The following PCDHA5 variants were observed in gnomAD, a reference collection of about 807,000 sequenced individuals.
PCDHA5 encodes protocadherin alpha-5.
A neutral mutation model predicts 61.6 loss-of-function variants in PCDHA5; 43 were observed. The ratio of observed to expected loss-of-function variants is 0.70; its 90% CI spans 0.55 to 0.90. PCDHA5 has a LOEUF of 0.90. PCDHA5 is among the 40% of genes least tolerant of loss of function. The probability of loss-of-function intolerance (pLI) is 0.00; values close to 1 mark genes in which losing one functional copy is unlikely to be tolerated. For missense variants in PCDHA5, 1,298 were observed against 1,222.7 expected (o/e 1.06, Z -0.92); for synonymous variants, 627 against 543.9 (o/e 1.15, Z -2.13).
intron 1 of PCDHA5, chr5:140,884,544 G>T: frequency 6.2e-7 from 1 of 1,614,222 alleles, no homozygotes; most frequent in South Asian, 1.1e-5. Flanking sequence ...CCGAGGGTGT[G>T]CTCTGGGGAG....
At chr5:140,948,305 T>C (rs1554218512) in intron 1 of PCDHA5, among the ~76,000 whole-genome samples, 1 of 151,622 alleles carries the variant, frequency 6.6e-6, no homozygotes, top group African/African-American at 2.4e-5. Context: ...ATATCTTTTC[T>C]TCTTGAGGGG....
In PCDHA5 at chr5:141,008,942, A is replaced by G. The variant is rs544111760; in HGVS notation, c.2501-685A>G. Among the ~76,000 whole-genome samples the G allele has an allele frequency of 1.5e-4, 23 of 152,326 alleles. No homozygotes were observed. In the South Asian group the frequency reaches 4.8e-3, roughly 32 times the overall value. On this transcript the variant is annotated intron_variant, in intron 3 of 3. Transcript: ENST00000529859. ...ATTCAGCTAATTTTTCTTGTTTTGG[A>G]CAAAATAGACATCCTAATACATTTA...
chr5:140,917,332 G>GA, intron 1 of PCDHA5, among the ~76,000 whole-genome samples: 1 of 145,644 alleles, frequency 6.9e-6, no homozygotes, highest in Non-Finnish European at 1.5e-5. Context: ...GGCGGGGGAG[G>GA]GGGGGGATGG....
intron 1 of PCDHA5, among the ~76,000 whole-genome samples, chr5:140,899,260 T>A (rs2153463432): frequency 6.6e-6 from 1 of 152,272 alleles, no homozygotes; most frequent in South Asian, 2.1e-4. Context: ...GGCATCCCTG[T>A]CTTGTGGCAG....
chr5:140,967,976 C>T (rs2096205972), intron 1 of PCDHA5: 3 of 1,614,222 alleles, frequency 1.9e-6, no homozygotes, highest in Non-Finnish European at 2.5e-6. Context: ...GAGCCTGGGT[C>T]TGGAGGCCAC....
At chr5:140,928,122 A>C in intron 1 of PCDHA5, 1 of 1,614,196 alleles carries the variant, frequency 6.2e-7, no homozygotes, top group Non-Finnish European at 8.5e-7. Context: ...AGATCAGTGA[A>C]TACCAAGTCC....
Position 140,823,401 on chromosome 5 carries a change from G to A in PCDHA5, c.1626G>A (p.Pro542=), listed in dbSNP as rs2150125561. 1.6e-5 allele frequency: 25 copies of A among 1,612,904 alleles called. 1 individual carries two copies. The South Asian group carries it at 2.2e-4, about 14-fold the overall frequency. Residue 542 remains proline, a synonymous_variant, in exon 1 of 4, where the codon CCG becomes CCA. Coordinates refer to ENST00000529859, the MANE Select transcript of PCDHA5 (RefSeq NM_018908.3). Reference sequence around the variant, plus strand: ...TGAGCGCGCGCGACGCGGGCGTGCCGCCTCTGGGCAGCAACGTGACGCTGC... The same window carrying A: ...TGAGCGCGCGCGACGCGGGCGTGCCACCTCTGGGCAGCAACGTGACGCTGC... ...FQVSARDAGV[P]PLGSNVTLQV... is the part of the protein sequence containing the mutation.
intron 1 of PCDHA5, among the ~76,000 whole-genome samples, chr5:140,888,467 A>C (rs562447782): frequency 7.2e-5 from 11 of 152,334 alleles, no homozygotes; most frequent in African/African-American, 2.6e-4. Flanking sequence ...TCAAAATGTC[A>C]GTAGTTCCAC....
At chr5:140,927,889 G>A in intron 1 of PCDHA5, 3 of 1,614,226 alleles carry the variant, frequency 1.9e-6, no homozygotes, top group Non-Finnish European at 2.5e-6. Flanking sequence ...GGTGACTGAC[G>A]TGAACGATCA....
At chr5:140,839,657 C>T (rs1377824888) in intron 1 of PCDHA5, among the ~76,000 whole-genome samples, 2 of 152,010 alleles carry the variant, frequency 1.3e-5, no homozygotes, top group East Asian at 1.9e-4. Context: ...AAATTGTTTG[C>T]TACTATTTAG....
rs543899552 is a variant in PCDHA5 at position 140,891,287 on chromosome 5, A to T, written c.2352+67160A>T. ...AATTTTTCCGTAAGTTATTGGGGGT[A>T]CAGGTGGTATTTGATTACATGAGTA... is the stretch of plus-strand genomic sequence containing the variant. On this transcript the variant is annotated intron_variant, in intron 1 of 3. Transcript: ENST00000529859. 3.9e-5 allele frequency among the ~76,000 whole-genome samples: 6 copies of T among 152,176 alleles called. No individual in the cohort carries two copies. In the South Asian group the frequency reaches 6.2e-4, roughly 16 times the overall value.
chr5:140,972,290 C>T (rs1331683497), intron 1 of PCDHA5, among the ~76,000 whole-genome samples: 1 of 151,820 alleles, frequency 6.6e-6, no homozygotes, highest in African/African-American at 2.4e-5. Flanking sequence ...TAGATGTGCG[C>T]CACCGTGTCT....
At chr5:140,966,732 G>A in intron 1 of PCDHA5, 1 of 1,415,600 alleles carries the variant, frequency 7.1e-7, no homozygotes, top group South Asian at 1.6e-5. Flanking sequence ...GCCGCCTCCG[G>A]CCCTGCCCGG....
At chr5:140,883,080 A>T in intron 1 of PCDHA5, 1 of 1,614,140 alleles carries the variant, frequency 6.2e-7, no homozygotes, top group Non-Finnish European at 8.5e-7. Flanking sequence ...GATCCTGATG[A>T]TGGTACAAAT....
chr5:140,829,966 G>A, intron 1 of PCDHA5: 2 of 1,614,002 alleles, frequency 1.2e-6, no homozygotes, highest in Non-Finnish European at 1.7e-6. Flanking sequence ...TTCGCGTGGG[G>A]CTGTACACGG....
At chr5:140,863,243 C>G (rs868910592) in intron 1 of PCDHA5, 1 of 1,351,802 alleles carries the variant, frequency 7.4e-7, no homozygotes, top group Non-Finnish European at 1.0e-6. Context: ...CGGGCTTTGG[C>G]GGGCGTCGAG....
intron 1 of PCDHA5, chr5:140,834,596 T>A: frequency 6.2e-7 from 1 of 1,613,722 alleles, no homozygotes; most frequent in South Asian, 1.1e-5. Context: ...GCAAATTCCG[T>A]GGGGATCTTC....
chr5:140,834,415 G>A, intron 1 of PCDHA5: 1 of 1,611,536 alleles, frequency 6.2e-7, no homozygotes, highest in Non-Finnish European at 8.5e-7. Flanking sequence ...GACCCAGGGG[G>A]CCGACATCTA....
At chr5:140,872,562 G>A (rs2053754616) in intron 1 of PCDHA5, among the ~76,000 whole-genome samples, 1 of 152,072 alleles carries the variant, frequency 6.6e-6, no homozygotes, top group Non-Finnish European at 1.5e-5. Context: ...AGGGGTTCAG[G>A]GCTGCAGTGA....
Sources: allele counts gnomAD v4.1 joint callset (sites outside exome capture counted in the v4.1 genomes callset), GRCh38; gene constraint gnomAD v4.1.1; transcripts MANE v1.5; gene names NCBI Gene and HGNC (gene_info 2026-07-23, HGNC 2026-07-21).